NR3C2: variants seen among roughly 807,000 people sequenced by gnomAD.
NR3C2 encodes nuclear receptor subfamily 3 group C member 2, also known as mineralocorticoid receptor.
In NR3C2, 15 loss-of-function variants were observed where a neutral mutation model predicts 86.4. That is an observed-to-expected ratio of 0.17 (90% confidence interval 0.12 to 0.27). NR3C2 has a LOEUF of 0.27. Ranked by LOEUF, NR3C2 falls within the 10% of genes least tolerant of loss-of-function variation. The pLI is 1.00. For synonymous variants in NR3C2, 458 were observed against 450.5 expected (o/e 1.02, Z -0.21); for missense variants, 960 against 1,195.6 (o/e 0.80, Z 2.91).
intron 8 of NR3C2, among the ~76,000 whole-genome samples, chr4:148,084,049 G>A (rs867020755): frequency 1.7e-4 from 26 of 152,272 alleles, no homozygotes; most frequent in Middle Eastern, 3.4e-3. Context: ...CGTTTAATTG[G>A]TGTAACTGAA....
At chr4:148,106,763 G>A (rs918859856) in intron 8 of NR3C2, among the ~76,000 whole-genome samples, 3 of 152,150 alleles carry the variant, frequency 2.0e-5, no homozygotes, top group Non-Finnish European at 2.9e-5. Context: ...ATGGGGAAAG[G>A]ATTCCCTATT....
Position 148,436,470 on chromosome 4 carries a change from C to A in NR3C2, c.391G>T (p.Ala131Ser), listed in dbSNP as rs1183857313. 1 of 1,614,078 alleles carries A rather than the reference C, an allele frequency of 6.2e-7. No homozygotes were observed. Among genetic ancestry groups the A allele is most frequent in the African/African-American group, 1.3e-5 (1 of 74,940 alleles). ...TGTTCAACATTCTGATAAATCTTAG[C>A]TGGACTCATGCTTCCTTGTTGGTTC... ...QQNQQGSMSP[A>S]KIYQNVEQLV... The change falls in exon 2 of 9, where the codon GCT becomes TCT. Residue 131 changes from alanine to serine, a missense_variant. Physicochemically the swap from Ala to Ser is moderately conservative, Grantham distance 99. Around this residue, in one of 4 missense-constraint regions of NR3C2, gnomAD observed 680 missense variants for 719.0 expected, o/e 0.95. Coordinates refer to ENST00000358102, the MANE Select transcript of NR3C2 (RefSeq NM_000901.5).
chr4:148,192,060 C>T (rs1736222122), intron 4 of NR3C2, among the ~76,000 whole-genome samples: 1 of 152,092 alleles, frequency 6.6e-6, no homozygotes, highest in Admixed American at 6.5e-5. Context: ...GTTGAAGAGC[C>T]TTGTTTTGCC....
At chr4:148,119,987 C>T (rs1732441741) in intron 7 of NR3C2, among the ~76,000 whole-genome samples, 171 bp downstream of exon 7, 2 of 152,142 alleles carry the variant, frequency 1.3e-5, no homozygotes, top group Admixed American at 6.5e-5. Flanking sequence ...TCATACTTTG[C>T]AAGTAACTTA....
chr4:148,154,637 T>A lies in NR3C2; in HGVS notation c.2279A>T (p.Asp760Val), dbSNP rs1450729926. 5 of 1,614,190 alleles carry A rather than the reference T, an allele frequency of 3.1e-6. No individual in the cohort carries two copies. The highest frequency in any genetic ancestry group is 4.2e-6 in the Non-Finnish European group (5 of 1,180,036). The change falls in exon 5 of 9, where the codon GAT becomes GTT. Residue 760 changes from aspartate (D) to valine (V), a missense_variant. Asp to Val is a radical substitution (Grantham distance 152). This residue lies in a region of NR3C2 where 151 missense variants were observed against 296.3 expected (regional missense o/e 0.51). Transcript: ENST00000358102. ...CGTGGAGAGCAGATTTTCGGCTGTA[T>A]CTGGTTTTGAGCTGTCATAGCCTGC... ...VYAGYDSSKP[D>V]TAENLLSTLN... is the part of the protein sequence containing the mutation.
At chr4:148,359,700 C>A (rs774876583) in intron 2 of NR3C2, among the ~76,000 whole-genome samples, 1 of 152,046 alleles carries the variant, frequency 6.6e-6, no homozygotes, top group Non-Finnish European at 1.5e-5. Flanking sequence ...TGTCCCAGAC[C>A]CCTTTGAGAA....
In NR3C2 at chr4:148,081,616, C is replaced by A. The variant is rs1730564539; in HGVS notation, c.2800-117G>T. ...AACATTTAGAAAGCCTCCCAGGAGA[C>A]CATGTCTTCATTAATTGAGCAGAGT... On this transcript the variant is annotated intron_variant, in intron 8 of 8. Transcript: ENST00000358102. 3 of 1,390,138 alleles carry A rather than the reference C, an allele frequency of 2.2e-6. No homozygotes were observed. In the South Asian group the frequency reaches 3.8e-5, roughly 18 times the overall value. The allele number at this position is 1,390,138 out of a possible 1,614,324, so 86.1% of individuals were successfully genotyped here. A position where few individuals can be genotyped will look rare whatever the true frequency, so the allele number is the denominator to read the frequency against.
chr4:148,133,314 A>ATC (rs978236954), intron 6 of NR3C2, among the ~76,000 whole-genome samples: 15 of 152,136 alleles, frequency 9.9e-5, no homozygotes, highest in African/African-American at 3.1e-4. Context: ...TGATATGCAG[A>ATC]TCTCAGATGG....
At chr4:148,228,495 C>G (rs1187957833) in intron 3 of NR3C2, among the ~76,000 whole-genome samples, 1 of 152,090 alleles carries the variant, frequency 6.6e-6, no homozygotes, top group Non-Finnish European at 1.5e-5. Context: ...TTTTTGCCAG[C>G]TTTTCATTGG....
At chr4:148,400,764 G>T (rs1288328096) in intron 2 of NR3C2, among the ~76,000 whole-genome samples, 1 of 120,188 alleles carries the variant, frequency 8.3e-6, no homozygotes, top group Non-Finnish European at 1.7e-5. Flanking sequence ...GGGCGACTGA[G>T]TGAGACTCCG....
chr4:148,101,218 C>A (rs1178920384), intron 8 of NR3C2, among the ~76,000 whole-genome samples: 1 of 152,126 alleles, frequency 6.6e-6, no homozygotes, highest in Non-Finnish European at 1.5e-5. Flanking sequence ...GGACATTCCC[C>A]CTTCTCATTT....
chr4:148,420,062 G>A (rs1283757219), intron 2 of NR3C2, among the ~76,000 whole-genome samples: 6 of 152,096 alleles, frequency 3.9e-5, no homozygotes, highest in Non-Finnish European at 1.5e-5. Flanking sequence ...ATGCATACAC[G>A]TCCACTCACG....
intron 3 of NR3C2, among the ~76,000 whole-genome samples, chr4:148,240,221 TA>T (rs1051741374): frequency 1.5e-4 from 22 of 142,928 alleles, no homozygotes; most frequent in Middle Eastern, 3.7e-3. Flanking sequence ...GATTATCAGA[TA>T]TTTTATATAT....
intron 4 of NR3C2, among the ~76,000 whole-genome samples, chr4:148,187,384 TG>T (rs1488412912): frequency 1.3e-5 from 2 of 152,124 alleles, no homozygotes; most frequent in Non-Finnish European, 2.9e-5. Context: ...TTTTATTTTT[TG>T]ATTATGGCCA....
Position 148,079,493 on chromosome 4 carries a change from T to C in NR3C2, c.*1851A>G, listed in dbSNP as rs1335812618. On this transcript the variant is annotated 3_prime_UTR_variant, in exon 9 of 9. Coordinates refer to ENST00000358102, the MANE Select transcript of NR3C2 (RefSeq NM_000901.5). ...CTTCTCCAGCTACAGCTTTTAGATT[T>C]TGGAAAATAATTAATATGATTTCAC... is the stretch of plus-strand genomic sequence containing the variant. 2.0e-5 allele frequency: 3 copies of C among 152,592 alleles called. No individual in the cohort carries two copies. Among genetic ancestry groups the C allele is most frequent in the Non-Finnish European group, 2.9e-5 (2 of 68,026 alleles). 9.5% of individuals were successfully genotyped at this position (152,592 alleles called of 1,614,324 possible). A position where few individuals can be genotyped will look rare whatever the true frequency, so the allele number is the denominator to read the frequency against.
chr4:148,194,378 A>C, intron 4 of NR3C2, among the ~76,000 whole-genome samples: 1 of 152,168 alleles, frequency 6.6e-6, no homozygotes, highest in Non-Finnish European at 1.5e-5. Flanking sequence ...TATGTACTCT[A>C]TGTGGGTAAT....
At chr4:148,104,598 G>C (rs1483064273) in intron 8 of NR3C2, among the ~76,000 whole-genome samples, 1 of 152,144 alleles carries the variant, frequency 6.6e-6, no homozygotes, top group African/African-American at 2.4e-5. Flanking sequence ...CACATTCATG[G>C]TACTACCAGC....
chr4:148,300,959 C>G (rs1742310804), intron 2 of NR3C2, among the ~76,000 whole-genome samples: 1 of 152,104 alleles, frequency 6.6e-6, no homozygotes, highest in African/African-American at 2.4e-5. Flanking sequence ...GAAAAGGTAC[C>G]ACAGTTTCCA....
chr4:148,368,280 C>G (rs914061692), intron 2 of NR3C2: 2 of 152,164 alleles, frequency 1.3e-5, no homozygotes, highest in African/African-American at 4.8e-5. Flanking sequence ...AGCCTTTGTA[C>G]ACTTGCGGTT....
Sources: allele counts gnomAD v4.1 joint callset (sites outside exome capture counted in the v4.1 genomes callset), GRCh38; gene constraint gnomAD v4.1.1; regional missense constraint gnomAD v4.1.1; transcripts MANE v1.5; gene names NCBI Gene and HGNC (gene_info 2026-07-23, HGNC 2026-07-21).